The following BAZ2B variants were observed in gnomAD, a reference collection of about 807,000 sequenced individuals.
BAZ2B encodes the protein bromodomain adjacent to zinc finger domain 2B.
BAZ2B carries 91 observed loss-of-function variants against 246.0 expected under a neutral mutation model. The ratio of observed to expected loss-of-function variants is 0.37; its 90% confidence interval spans 0.31 to 0.44. BAZ2B has a LOEUF of 0.44. Ranked by LOEUF, BAZ2B falls within the 20% of genes least tolerant of loss-of-function variation. BAZ2B has a pLI of 1.00. For missense variants in BAZ2B, 2,332 were observed against 2,533.7 expected, an observed-to-expected ratio of 0.92 and a Z score of 1.71; for synonymous variants, 855 against 860.0, an observed-to-expected ratio of 0.99 and a Z score of 0.10.
intron 25 of BAZ2B, among the ~76,000 whole-genome samples, chr2:159,377,812 CAAAAA>C (rs35570732): frequency 1.1e-5 from 1 of 94,200 alleles, no homozygotes. Context: ...ACTCTGTCTC[CAAAAA>C]AAAAAAAAAA....
chr2:159,471,864 T>C (rs2150808327), intron 3 of BAZ2B, among the ~76,000 whole-genome samples: 1 of 152,274 alleles, frequency 6.6e-6, no homozygotes, highest in Middle Eastern at 3.4e-3. Context: ...TAGAACAGGA[T>C]TTCAAAGGAG....
At chr2:159,346,137 CAT>C (rs973324966) in intron 31 of BAZ2B, among the ~76,000 whole-genome samples, 20 of 152,246 alleles carry the variant, frequency 1.3e-4, no homozygotes, top group African/African-American at 4.3e-4. Context: ...GAGGAGGAGA[CAT>C]AGTTTACTAG....
intron 8 of BAZ2B, among the ~76,000 whole-genome samples, chr2:159,436,871 T>C (rs545633239): frequency 6.6e-6 from 1 of 152,334 alleles, no homozygotes; most frequent in South Asian, 2.1e-4. Context: ...TTCTTCAGTG[T>C]AAGGGTACTG....
At chr2:159,414,651 T>G (rs2067360918) in intron 13 of BAZ2B, among the ~76,000 whole-genome samples, 1 of 151,848 alleles carries the variant, frequency 6.6e-6, no homozygotes, top group South Asian at 2.1e-4. Flanking sequence ...ACCCCGTCTC[T>G]ACTAAAAACA....
At chr2:159,684,899 A>C in the BAZ2B span, among the ~76,000 whole-genome samples, 1 of 152,190 alleles carries the variant, frequency 6.6e-6, no homozygotes, top group Admixed American at 6.5e-5. Context: ...ACCTTCTGTA[A>C]GAAATGCTAT....
At chr2:159,414,542 C>T (rs1188077009) in intron 13 of BAZ2B, among the ~76,000 whole-genome samples, 1 of 152,076 alleles carries the variant, frequency 6.6e-6, no homozygotes, top group African/African-American at 2.4e-5. Flanking sequence ...TGTGGCCGGG[C>T]GCGGTGGCCC....
chr2:159,491,280 T>G (rs1169920508), intron 2 of BAZ2B, among the ~76,000 whole-genome samples: 1 of 152,150 alleles, frequency 6.6e-6, no homozygotes, highest in Non-Finnish European at 1.5e-5. Flanking sequence ...TTTCAAACAT[T>G]CCCAATTTAA....
Position 159,325,643 on chromosome 2 carries a change from G to A in BAZ2B, c.6209+10C>T, listed in dbSNP as rs905568624. On this transcript the variant is annotated intron_variant, in intron 35 of 36. Transcript: ENST00000392783. ...TATAAATATACAGTGCATGAAAACGGAAATAATACCTGCAAAGAGCTAGGT... is the reference window on the plus strand; with the variant it reads ...TATAAATATACAGTGCATGAAAACGAAAATAATACCTGCAAAGAGCTAGGT... The A allele has an allele frequency of 1.3e-6, 2 of 1,578,154 alleles. No individual in the cohort carries two copies. Among genetic ancestry groups the A allele is most frequent in the African/African-American group, 2.8e-5 (2 of 72,228 alleles).
At chr2:159,353,733 A>G (rs1466661850) in intron 27 of BAZ2B, among the ~76,000 whole-genome samples, 2 of 152,218 alleles carry the variant, frequency 1.3e-5, no homozygotes, top group Non-Finnish European at 2.9e-5. Flanking sequence ...CAGAGTGGGA[A>G]ACCTCAAGAT....
intron 3 of BAZ2B, among the ~76,000 whole-genome samples, chr2:159,465,765 T>C (rs1328840839): frequency 6.6e-6 from 1 of 151,920 alleles, no homozygotes; most frequent in Non-Finnish European, 1.5e-5. Flanking sequence ...CTACCAAAAA[T>C]ACAAAAATTA....
intron 2 of BAZ2B, among the ~76,000 whole-genome samples, chr2:159,522,852 A>T (rs774906408): frequency 7.9e-5 from 12 of 152,132 alleles, no homozygotes; most frequent in Non-Finnish European, 1.3e-4. Flanking sequence ...CCAAAAGCCT[A>T]CTTTTACTAG....
intron 36 of BAZ2B, 103 bp downstream of exon 36, chr2:159,324,708 C>A: frequency 1.6e-6 from 1 of 644,758 alleles, no homozygotes; most frequent in Non-Finnish European, 2.3e-6. Context: ...AAGGCAGGGC[C>A]TATATCTTGC....
chr2:159,331,741 C>G (rs11693265), intron 34 of BAZ2B, among the ~76,000 whole-genome samples: 52,019 of 152,008 alleles, frequency 0.34, 11,646 homozygotes, highest in Non-Finnish European at 0.51. Context: ...GGTATAGGTG[C>G]TAGAGAAATC....
chr2:159,607,225 G>A (rs969090357), intron 1 of BAZ2B, among the ~76,000 whole-genome samples: 2 of 151,988 alleles, frequency 1.3e-5, no homozygotes, highest in Admixed American at 6.6e-5. Context: ...GCATTCATCC[G>A]AAGGAACTAA....
chr2:159,318,321 T>C (rs2062324284), downstream of BAZ2B, among the ~76,000 whole-genome samples: 1 of 152,254 alleles, frequency 6.6e-6, no homozygotes, highest in Non-Finnish European at 1.5e-5. Flanking sequence ...CAATATCTGG[T>C]TAACAGAAAC....
chr2:159,374,820 T>A, intron 25 of BAZ2B, 67 bp from the exon 26 acceptor site: 1 of 1,431,904 alleles, frequency 7.0e-7, no homozygotes, highest in Non-Finnish European at 9.7e-7. Flanking sequence ...AGTAAATATT[T>A]AATGAAAGTC....
intron 2 of BAZ2B, among the ~76,000 whole-genome samples, chr2:159,479,733 T>G (rs866928049): frequency 1.6e-4 from 24 of 152,158 alleles, no homozygotes; most frequent in African/African-American, 4.8e-4. Flanking sequence ...AATTGTTGAT[T>G]GAATCCATAA....
the BAZ2B span, among the ~76,000 whole-genome samples, chr2:159,637,222 G>A: frequency 6.6e-6 from 1 of 152,240 alleles, no homozygotes; most frequent in African/African-American, 2.4e-5. Context: ...CAGTGGGGTA[G>A]AGCAACAAGC....
intron 1 of BAZ2B, among the ~76,000 whole-genome samples, chr2:159,566,241 C>T (rs1682549271): frequency 1.3e-5 from 2 of 152,246 alleles, no homozygotes; most frequent in South Asian, 2.1e-4. Context: ...GAACTCCTGA[C>T]CTCAGGTTAT....
Sources: gnomAD v4.1 joint callset for allele counts (sites outside exome capture counted in the v4.1 genomes callset) on GRCh38, gnomAD v4.1.1 for gene constraint, MANE v1.5 for transcripts, NCBI Gene and HGNC (gene_info 2026-07-23, HGNC 2026-07-21) for gene names.